Variants in CDH4 observed in about 807,000 individuals in gnomAD.
CDH4 encodes cadherin-4.
In CDH4, 33 loss-of-function variants were observed where a neutral mutation model predicts 86.0. The observed-to-expected ratio is 0.38, with a 90% CI of 0.29 to 0.51. The LOEUF is 0.51. Ranked by LOEUF, CDH4 falls within the 20% of genes least tolerant of loss-of-function variation. The pLI is 0.86. For missense variants in CDH4, 1,114 were observed against 1,307.4 expected (o/e 0.85, Z 2.28); for synonymous variants, 555 against 549.4 (o/e 1.01, Z -0.14).
chr20:61,868,919 C>T (rs1372267044), intron 6 of CDH4, among the ~76,000 whole-genome samples: 3 of 152,234 alleles, frequency 2.0e-5, no homozygotes, highest in African/African-American at 4.8e-5. Context: ...AGCTGTGGCA[C>T]CTGCAGCTCA....
chr20:61,299,617 A>C (rs901110422), intron 2 of CDH4, among the ~76,000 whole-genome samples: 2 of 152,158 alleles, frequency 1.3e-5, no homozygotes, highest in African/African-American at 4.8e-5. Context: ...TCTCTGTTCC[A>C]AGCTTGCCTT....
chr20:61,877,387 G>A (rs1345941474), intron 7 of CDH4, among the ~76,000 whole-genome samples: 2 of 129,786 alleles, frequency 1.5e-5, no homozygotes, highest in Admixed American at 9.7e-5. Flanking sequence ...CCCCGCTGTC[G>A]GCAGCTTCAG....
intron 2 of CDH4, among the ~76,000 whole-genome samples, chr20:61,490,798 G>T (rs942046583): frequency 6.6e-6 from 1 of 152,126 alleles, no homozygotes; most frequent in Non-Finnish European, 1.5e-5. Context: ...GCACACGGCT[G>T]TCTAATTGTC....
chr20:61,382,199 A>G (rs765725706), intron 2 of CDH4, among the ~76,000 whole-genome samples: 3 of 152,232 alleles, frequency 2.0e-5, no homozygotes, highest in Non-Finnish European at 4.4e-5. Flanking sequence ...AAACGTAAAA[A>G]TAAGAAATGA....
intron 2 of CDH4, among the ~76,000 whole-genome samples, chr20:61,621,006 T>C (rs1275541338): frequency 6.6e-6 from 1 of 152,210 alleles, no homozygotes. Flanking sequence ...TGTCTGCAGG[T>C]TTGTGGAGAT....
At chr20:61,679,161 G>A (rs1195381247) in intron 2 of CDH4, among the ~76,000 whole-genome samples, 1 of 152,140 alleles carries the variant, frequency 6.6e-6, no homozygotes, top group African/African-American at 2.4e-5. Flanking sequence ...TGCGTGGCAT[G>A]GCCTGGTGTT....
intron 13 of CDH4, among the ~76,000 whole-genome samples, chr20:61,930,361 C>T (rs1008734299): frequency 6.6e-6 from 1 of 152,210 alleles, no homozygotes; most frequent in Non-Finnish European, 1.5e-5. Context: ...TTCCCACAAC[C>T]ACTGTGGGTT....
At chr20:61,924,287 C>A in intron 10 of CDH4, 47 bp from the exon 11 acceptor site, 1 of 1,564,096 alleles carries the variant, frequency 6.4e-7, no homozygotes, top group South Asian at 1.2e-5. Context: ...CAGGGCAGCC[C>A]CGCCCACCCC....
intron 2 of CDH4, among the ~76,000 whole-genome samples, chr20:61,579,671 C>A (rs1454796452): frequency 1.3e-5 from 2 of 152,114 alleles, no homozygotes; most frequent in East Asian, 3.9e-4. Flanking sequence ...TCTGGCTTAT[C>A]TCCCACAACC....
chr20:61,326,428 C>A (rs2084537195), intron 2 of CDH4, among the ~76,000 whole-genome samples: 1 of 152,222 alleles, frequency 6.6e-6, no homozygotes, highest in Non-Finnish European at 1.5e-5. Context: ...TCTGGAAATC[C>A]TCCGATAGTC....
intron 4 of CDH4, among the ~76,000 whole-genome samples, chr20:61,835,631 C>T (rs931841483): frequency 1.3e-5 from 2 of 152,210 alleles, no homozygotes; most frequent in Non-Finnish European, 2.9e-5. Flanking sequence ...CAGGGCTTCC[C>T]GTGGGGTGAG....
At chr20:61,383,776 CATATATAT>C (rs1568823368) in intron 2 of CDH4, among the ~76,000 whole-genome samples, 22 of 74,280 alleles carry the variant, frequency 3.0e-4, no homozygotes, top group Admixed American at 5.5e-4. Flanking sequence ...GATATATATG[CATATATAT>C]GAAGATATAT....
rs375242471 is a variant in CDH4 at position 61,810,768 on chromosome 20, G to T, written c.577-33900G>T. On this transcript the variant is annotated intron_variant, in intron 4 of 15. Transcript: ENST00000614565. The surrounding 1 kb of genome is among the most constrained non-coding windows in gnomAD (Gnocchi z 4.3). ...GCCAGGGCAGAACCAAGCAGGGCCC[G>T]CAGTCTGCAAGAACTCCTGGGACCC... 2.0e-5 allele frequency among the ~76,000 whole-genome samples: 3 copies of T among 152,142 alleles called. No homozygotes were observed. The highest frequency in any genetic ancestry group is 4.8e-5 in the African/African-American group (2 of 41,436).
intron 2 of CDH4, among the ~76,000 whole-genome samples, chr20:61,391,462 G>A (rs2084985327): frequency 2.0e-5 from 3 of 152,156 alleles, no homozygotes; most frequent in Non-Finnish European, 4.4e-5. Flanking sequence ...CGCTTTATTG[G>A]ACTAAGGGAC....
chr20:61,655,869 T>C (rs1032782638), intron 2 of CDH4, among the ~76,000 whole-genome samples: 31 of 152,208 alleles, frequency 2.0e-4, no homozygotes, highest in Admixed American at 2.6e-4. Context: ...CCAGGTGAAG[T>C]GTGTGGCTAA....
rs538918412 is a variant in CDH4 at position 61,420,966 on chromosome 20, G to A, written c.169+166029G>A. On this transcript the variant is annotated intron_variant, in intron 2 of 15. Transcript: ENST00000614565. ...TGCACTGGCAAACAGAGTGTGGCAT[G>A]TTCCATGGGGGATGATAGGACAGTG... Among the ~76,000 whole-genome samples the A allele has an allele frequency of 4.9e-4, 75 of 152,394 alleles. 2 individuals carry two copies. In the East Asian group the frequency reaches 0.014, roughly 28 times the overall value.
rs372708280 is a variant in CDH4, at chr20:61,811,682, CTT to C, written c.577-32969_577-32968del. Reference sequence around the variant, plus strand: ...GTCACGCCCCTGGCTGCCTACTGAGCTTTTTTTTTTTTTTTTTTGAGTTGGCA... The same window carrying C: ...GTCACGCCCCTGGCTGCCTACTGAGCTTTTTTTTTTTTTTTTGAGTTGGCA... On this transcript the variant is annotated intron_variant, in intron 4 of 15. Transcript: ENST00000614565. The surrounding 1 kb of genome is among the most constrained non-coding windows in gnomAD (Gnocchi z 4.4). Among the ~76,000 whole-genome samples the C allele has an allele frequency of 6.2e-3, 786 of 127,416 alleles. 5 individuals are homozygous for C. The highest frequency in any genetic ancestry group is 0.02 in the African/African-American group (678 of 34,494). The allele number at this position is 127,416 out of a possible 152,430, so 83.6% of individuals were successfully genotyped here. A position where few individuals can be genotyped will look rare whatever the true frequency, so the allele number is the denominator to read the frequency against.
chr20:61,519,774 G>C (rs1220057727), intron 2 of CDH4, among the ~76,000 whole-genome samples: 1 of 152,224 alleles, frequency 6.6e-6, no homozygotes, highest in Non-Finnish European at 1.5e-5. Context: ...CAGACTGCGT[G>C]GTGGTGGTAT....
At chr20:61,325,287 A>G (rs943335462) in intron 2 of CDH4, among the ~76,000 whole-genome samples, 1 of 152,070 alleles carries the variant, frequency 6.6e-6, no homozygotes, top group African/African-American at 2.4e-5. Context: ...AGAGGTTCAG[A>G]GGAAGCTGGC....
Sources: gnomAD v4.1 joint callset for allele counts (sites outside exome capture counted in the v4.1 genomes callset) on GRCh38, gnomAD v4.1.1 for gene constraint, Gnocchi (gnomAD v3.1) non-coding constraint, MANE v1.5 for transcripts, NCBI Gene and HGNC (gene_info 2026-07-23, HGNC 2026-07-21) for gene names.